LRATD1: variants seen among roughly 807,000 people sequenced by gnomAD.
LRATD1 encodes the protein protein LRATD1.
In LRATD1, 8 loss-of-function variants were observed where a neutral mutation model predicts 21.3. The ratio of observed to expected loss-of-function variants is 0.38; its 90% CI spans 0.22 to 0.68. LRATD1 has a LOEUF of 0.68. LRATD1 is among the 30% of genes least tolerant of loss of function. The pLI is 0.54. For synonymous variants in LRATD1, 210 were observed against 186.2 expected (o/e 1.13, Z -1.04); for missense variants, 380 against 404.0 (o/e 0.94, Z 0.51).
At chr2:14,644,225 G>C (rs1484704167), downstream of LRATD1, among the ~76,000 whole-genome samples, 1 of 151,722 alleles carries the variant, frequency 6.6e-6, no homozygotes, top group African/African-American at 2.4e-5. Context: ...TAATTACCCA[G>C]GTATAATTTT....
rs547620556 is a variant in LRATD1, at chr2:14,648,969, C to T, written n.437-347C>T. 4.6e-5 allele frequency among the ~76,000 whole-genome samples: 7 copies of T among 152,314 alleles called. No individual in the cohort carries two copies. The East Asian group carries it at 1.2e-3, about 25-fold the overall frequency. Reference sequence around the variant, plus strand: ...GTCAGGCCAGTTCATTAATGTTTCTCTTCTCTCTTAGGTAACAGAAAGTTC... The same window carrying T: ...GTCAGGCCAGTTCATTAATGTTTCTTTTCTCTCTTAGGTAACAGAAAGTTC... On this transcript the variant is annotated intron_variant and non_coding_transcript_variant, in intron 4 of 5. Coordinates refer to the LRATD1 transcript ENST00000464947.
chr2:14,651,375 T>C (rs889812241), downstream of LRATD1, among the ~76,000 whole-genome samples: 1 of 152,180 alleles, frequency 6.6e-6, no homozygotes, highest in Admixed American at 6.5e-5. Flanking sequence ...AGTGCTGCTA[T>C]AATTTTCCCC....
At chr2:14,643,078 G>A (rs77535617), downstream of LRATD1, among the ~76,000 whole-genome samples, 19 of 152,248 alleles carry the variant, frequency 1.2e-4, no homozygotes, top group East Asian at 2.7e-3. Flanking sequence ...TTTGGGATTC[G>A]AAATCCAGGT....
At chr2:14,641,480 C>G (rs567987705), downstream of LRATD1, among the ~76,000 whole-genome samples, 6 of 152,154 alleles carry the variant, frequency 3.9e-5, no homozygotes, top group South Asian at 1.2e-3. Flanking sequence ...TTTTATCCCA[C>G]CTATTTATCC....
chr2:14,644,841 G>A (rs1219438614), downstream of LRATD1, among the ~76,000 whole-genome samples: 1 of 152,104 alleles, frequency 6.6e-6, no homozygotes, highest in Non-Finnish European at 1.5e-5. Flanking sequence ...AGAACAAGCA[G>A]GATGTTGGAG....
chr2:14,642,887 CTTA>C (rs1176416031), downstream of LRATD1, among the ~76,000 whole-genome samples: 3 of 152,124 alleles, frequency 2.0e-5, no homozygotes, highest in Non-Finnish European at 4.4e-5. Context: ...TTTATAGGGA[CTTA>C]TTATTCTCTT....
At chr2:14,650,152 T>G (rs1205373192), downstream of LRATD1, 1 of 152,196 alleles carries the variant, frequency 6.6e-6, no homozygotes, top group Non-Finnish European at 1.5e-5. Flanking sequence ...TCTGAACCAG[T>G]TTCTTGTTAT....
chr2:14,637,675 T>C lies in LRATD1; in HGVS notation c.*2817T>C, dbSNP rs150937215. On this transcript the variant is annotated 3_prime_UTR_variant, in exon 2 of 2. Transcript: ENST00000295092. ...GTGATAGTTCATCATGCAGAGGATA[T>C]GATCAAGATATTACCTAATGGTTTT... The C allele has an allele frequency of 2.8e-4, 46 of 167,188 alleles. No individual in the cohort carries two copies. Among genetic ancestry groups the C allele is most frequent in the African/African-American group, 1.0e-3 (43 of 41,586 alleles). 10.4% of individuals were successfully genotyped at this position (167,188 alleles called of 1,614,324 possible).
Position 14,634,181 on chromosome 2 carries a change from C to A in LRATD1, c.202C>A (p.Pro68Thr), listed in dbSNP as rs745791726. 6.2e-7 allele frequency: 1 copy of A among 1,613,342 alleles called. No homozygotes were observed. Among genetic ancestry groups the A allele is most frequent in the South Asian group, 1.1e-5 (1 of 91,064 alleles). Reference sequence around the variant, plus strand: ...GGGTTGCACCCCCTGCCCGGAGAGCCCCAGCCGCCACCACCACCACCTGCT... The same window carrying A: ...GGGTTGCACCCCCTGCCCGGAGAGCACCAGCCGCCACCACCACCACCTGCT... ...PPGCTPCPES[P>T]SRHHHHLLHQ... Residue 68 changes from proline (P) to threonine (T), a missense_variant, in exon 2 of 2, where the codon CCC becomes ACC. By Grantham distance (38) the Pro-to-Thr change is conservative (BLOSUM62 -1). Transcript: ENST00000295092.
chr2:14,644,331 T>C (rs572517610), downstream of LRATD1, among the ~76,000 whole-genome samples: 1 of 152,220 alleles, frequency 6.6e-6, no homozygotes, highest in Non-Finnish European at 1.5e-5. Context: ...ATTTGGATGA[T>C]GTTTCTGAGA....
downstream of LRATD1, among the ~76,000 whole-genome samples, chr2:14,651,844 G>C (rs1275738089): frequency 6.6e-6 from 1 of 151,792 alleles, no homozygotes; most frequent in East Asian, 1.9e-4. Context: ...TTGATTCATA[G>C]ATTTCTTTGT....
chr2:14,632,864 G>T lies in LRATD1; in HGVS notation c.-110G>T. The T allele has an allele frequency of 6.5e-6, 1 of 153,232 alleles. No homozygotes were observed. Among genetic ancestry groups the T allele is most frequent in the Non-Finnish European group, 1.5e-5 (1 of 68,774 alleles). 9.5% of individuals were successfully genotyped at this position (153,232 alleles called of 1,614,324 possible). ...CGCAGCCCAGGACCCACTCGCCACC[G>T]CCGCTTCCTCAGCACCCATGGGGAC... On this transcript the variant is annotated 5_prime_UTR_variant, in exon 1 of 2. Coordinates refer to ENST00000295092, the MANE Select transcript of LRATD1 (RefSeq NM_145175.4).
intron 4 of LRATD1, among the ~76,000 whole-genome samples, chr2:14,647,522 C>T (rs1671915198): frequency 6.6e-6 from 1 of 152,090 alleles, no homozygotes; most frequent in Non-Finnish European, 1.5e-5. Context: ...GAAATCCTAA[C>T]CCCCAAAGTG....
rs1290394383 is a variant in LRATD1, at chr2:14,639,134, C to T, written c.*4276C>T. 1 of 165,012 alleles carries T rather than the reference C, an allele frequency of 6.1e-6. No homozygotes were observed. Among genetic ancestry groups the T allele is most frequent in the Non-Finnish European group, 1.5e-5 (1 of 67,772 alleles). The allele number at this position is 165,012 out of a possible 1,614,324, so 10.2% of individuals were successfully genotyped here. A position where few individuals can be genotyped will look rare whatever the true frequency, so the allele number is the denominator to read the frequency against. ...CACACACACACACACACACAGGCTA[C>T]TTAAAATAGAGAGTGACTTGAGATA... On this transcript the variant is annotated 3_prime_UTR_variant, in exon 2 of 2. Transcript: ENST00000295092.
Position 14,633,797 on chromosome 2 carries a change from C to A in LRATD1, c.-36-147C>A. The A allele has an allele frequency of 1.3e-6, 1 of 771,036 alleles. No individual in the cohort carries two copies. The highest frequency in any genetic ancestry group is 2.1e-6 in the Non-Finnish European group (1 of 487,680). The allele number at this position is 771,036 out of a possible 1,614,324, so 47.8% of individuals were successfully genotyped here. A position where few individuals can be genotyped will look rare whatever the true frequency, so the allele number is the denominator to read the frequency against. ...TCCGCCCCTCGTACCCCTGGGGAGG[C>A]ACGGAGGACTCGGCTGGAAAGGGTG... is the stretch of plus-strand genomic sequence containing the variant. On this transcript the variant is annotated intron_variant, in intron 1 of 1. Transcript: ENST00000295092. This position sits in a 1 kb window ranked among gnomAD's most constrained non-coding sequence, Gnocchi z 7.5.
In LRATD1 at chr2:14,635,006, C is replaced by A; in HGVS notation, c.*148C>A. 1 of 1,107,422 alleles carries A rather than the reference C, an allele frequency of 9.0e-7. No individual in the cohort carries two copies. The highest frequency in any genetic ancestry group is 1.3e-6 in the Non-Finnish European group (1 of 759,142). The allele number at this position is 1,107,422 out of a possible 1,614,324, so 68.6% of individuals were successfully genotyped here. The stretch of plus-strand genomic sequence containing the variant: ...CGGTGGCCCGGGCCCGGGCTGCACC[C>A]CCGCATCCCCAAGCCAGCGGCAGGA... On this transcript the variant is annotated 3_prime_UTR_variant, in exon 2 of 2. Coordinates refer to ENST00000295092, the MANE Select transcript of LRATD1 (RefSeq NM_145175.4).
rs1457011851 is a variant in LRATD1, at chr2:14,636,337, C to A, written c.*1479C>A. ...TTATTTTTTTCTCCATGTTGTATAT[C>A]ATTACCATTTCACATACGCGTTTCT... On this transcript the variant is annotated 3_prime_UTR_variant, in exon 2 of 2. Coordinates refer to ENST00000295092, the MANE Select transcript of LRATD1 (RefSeq NM_145175.4). 1.2e-5 allele frequency: 2 copies of A among 167,066 alleles called. No individual in the cohort carries two copies. Among genetic ancestry groups the A allele is most frequent in the East Asian group, 3.8e-4 (2 of 5,204 alleles). 10.3% of individuals were successfully genotyped at this position (167,066 alleles called of 1,614,324 possible). A position where few individuals can be genotyped will look rare whatever the true frequency, so the allele number is the denominator to read the frequency against.
rs966166652 is a variant in LRATD1, at chr2:14,633,012, G to A, written c.-37+75G>A. The A allele has an allele frequency of 6.6e-6, 1 of 152,430 alleles. No individual in the cohort carries two copies. Among genetic ancestry groups the A allele is most frequent in the African/African-American group, 2.4e-5 (1 of 41,454 alleles). 9.4% of individuals were successfully genotyped at this position (152,430 alleles called of 1,614,324 possible). On this transcript the variant is annotated intron_variant, in intron 1 of 1. Transcript: ENST00000295092. The surrounding 1 kb of genome is among the most constrained non-coding windows in gnomAD (Gnocchi z 7.5). ...ATTGTTTGGATCCTGTGCTGGGTAG[G>A]AGGGAGAGGGGTCTTTGGGCTAAAA...
chr2:14,642,286 T>G (rs933359498), downstream of LRATD1, among the ~76,000 whole-genome samples: 1 of 152,200 alleles, frequency 6.6e-6, no homozygotes, highest in African/African-American at 2.4e-5. Flanking sequence ...ATACAGAGTT[T>G]AAAAGGTTTC....
Sources: gnomAD v4.1 joint callset for allele counts (sites outside exome capture counted in the v4.1 genomes callset) on GRCh38, gnomAD v4.1.1 for gene constraint, Gnocchi (gnomAD v3.1) non-coding constraint, MANE v1.5 for transcripts, NCBI Gene and HGNC (gene_info 2026-07-23, HGNC 2026-07-21) for gene names.